SAP30L: variants seen among roughly 807,000 people sequenced by gnomAD.
SAP30L encodes the protein SAP30 like.
In SAP30L, 10 loss-of-function variants were observed where a neutral mutation model predicts 22.3. That is an observed-to-expected ratio of 0.45 (90% CI 0.28 to 0.76). SAP30L has a LOEUF of 0.76. SAP30L is among the 30% of genes least tolerant of loss of function. SAP30L has a pLI of 0.14. For synonymous variants in SAP30L, 91 were observed against 94.1 expected (o/e 0.97, Z 0.19); for missense variants, 206 against 237.9 (o/e 0.87, Z 0.88).
intron 1 of SAP30L, 88 bp from the exon 2 acceptor site, chr5:154,451,003 A>C: frequency 2.2e-6 from 3 of 1,386,036 alleles, no homozygotes; most frequent in Non-Finnish European, 3.1e-6. Flanking sequence ...AATGCCCTGC[A>C]ATGGAAGGAA....
chr5:154,449,912 T>C (rs1233763979), intron 1 of SAP30L, among the ~76,000 whole-genome samples: 4 of 152,352 alleles, frequency 2.6e-5, no homozygotes, highest in East Asian at 1.9e-4. Context: ...AAAGTACTTA[T>C]GACTCACTAA....
Position 154,457,529 on chromosome 5 carries a change from C to T in SAP30L, c.*1501C>T, listed in dbSNP as rs531994723. On this transcript the variant is annotated 3_prime_UTR_variant, in exon 4 of 4. Coordinates refer to ENST00000297109, the MANE Select transcript of SAP30L (RefSeq NM_024632.6). The stretch of plus-strand genomic sequence containing the variant: ...CCATCACAGAGAAGTCAGGACTAAA[C>T]CCCCTACTGAGCAGGGCGGCGGAGT... The T allele has an allele frequency of 6.6e-6, 1 of 152,176 alleles. No individual in the cohort carries two copies. Among genetic ancestry groups the T allele is most frequent in the African/African-American group, 2.4e-5 (1 of 41,436 alleles). 9.4% of individuals were successfully genotyped at this position (152,176 alleles called of 1,614,324 possible).
At chr5:154,454,225 G>A (rs1342550087) in intron 3 of SAP30L, among the ~76,000 whole-genome samples, 1 of 152,062 alleles carries the variant, frequency 6.6e-6, no homozygotes, top group Admixed American at 6.5e-5. Context: ...TCCTACTCTG[G>A]TGTTGGTAAT....
At chr5:154,453,377 A>AACACCAT in intron 2 of SAP30L, 25 bp from the exon 3 acceptor site, 1 of 1,574,612 alleles carries the variant, frequency 6.4e-7, no homozygotes, top group Non-Finnish European at 8.7e-7. Flanking sequence ...GGTGATGGAT[A>AACACCAT]ACATTTTTCT....
In SAP30L at chr5:154,457,701, T is replaced by C. The variant is rs1379589362; in HGVS notation, c.*1673T>C. On this transcript the variant is annotated 3_prime_UTR_variant, in exon 4 of 4. Transcript: ENST00000297109. ...ATGCATGTCTAGCAGATTGCAGCCTTTTAAATTAAATATATATAAATGGTT... is the reference window on the plus strand; with the variant it reads ...ATGCATGTCTAGCAGATTGCAGCCTCTTAAATTAAATATATATAAATGGTT... 3 of 152,162 alleles carry C rather than the reference T, an allele frequency of 2.0e-5. No homozygotes were observed. Among genetic ancestry groups the C allele is most frequent in the African/African-American group, 7.2e-5 (3 of 41,428 alleles). 9.4% of individuals were successfully genotyped at this position (152,162 alleles called of 1,614,324 possible).
rs1561703351 is a variant in SAP30L at position 154,455,881 on chromosome 5, GT to G, written c.424-18del. 2 of 1,598,696 alleles carry G rather than the reference GT, an allele frequency of 1.3e-6. No individual in the cohort carries two copies. Among genetic ancestry groups the G allele is most frequent in the South Asian group, 2.3e-5 (2 of 88,406 alleles). ...TTTGTGCATGGTTTAAGGAACTTTG[GT>G]ATTTTCCCCCCACATAGACTGTGAG... is the stretch of plus-strand genomic sequence containing the variant. On this transcript the variant is annotated intron_variant, in intron 3 of 3. Coordinates refer to ENST00000297109, the MANE Select transcript of SAP30L (RefSeq NM_024632.6).
At chr5:154,449,317 CA>C (rs1392670919) in intron 1 of SAP30L, among the ~76,000 whole-genome samples, 1 of 151,754 alleles carries the variant, frequency 6.6e-6, no homozygotes, top group Non-Finnish European at 1.5e-5. Flanking sequence ...TAGGAAAAGA[CA>C]TGTACTGGGG....
rs1055389394 is a variant in SAP30L at position 154,460,521 on chromosome 5, A to G, written c.*4493A>G. ...GCCTTTTTATTCCTTTCATTGTATT[A>G]TAGACTGTTTCCAAGTTTATGGTTA... On this transcript the variant is annotated 3_prime_UTR_variant, in exon 4 of 4. Transcript: ENST00000297109. 6.6e-6 allele frequency: 1 copy of G among 152,164 alleles called. No individual in the cohort carries two copies. The highest frequency in any genetic ancestry group is 2.4e-5 in the African/African-American group (1 of 41,418). The allele number at this position is 152,164 out of a possible 1,614,324, so 9.4% of individuals were successfully genotyped here. A position where few individuals can be genotyped will look rare whatever the true frequency, so the allele number is the denominator to read the frequency against.
At position 154,446,644 on chromosome 5, in the gene SAP30L, C is replaced by T; in HGVS notation, c.40C>T (p.Pro14Ser). 1.3e-6 allele frequency: 2 copies of T among 1,529,872 alleles called. No homozygotes were observed. The highest frequency in any genetic ancestry group is 1.8e-6 in the Non-Finnish European group (2 of 1,140,452). 94.8% of individuals were successfully genotyped at this position (1,529,872 alleles called of 1,614,324 possible). The change falls in exon 1 of 4, where the codon CCC (proline) becomes TCC (serine). Residue 14 changes from proline (P) to serine (S), a missense_variant. Physicochemically the swap from Pro to Ser is moderately conservative, Grantham distance 74. Transcript: ENST00000297109. The part of the protein sequence containing the change: ...FSTEEDSREG[P>S]PAAPAAAAPG... ...CACGGAGGAGGACAGCCGCGAAGGG[C>T]CCCCCGCCGCCCCAGCTGCCGCCGC...
Position 154,457,045 on chromosome 5 carries a change from C to T in SAP30L, c.*1017C>T, listed in dbSNP as rs978440169. 1 of 152,238 alleles carries T rather than the reference C, an allele frequency of 6.6e-6. No individual in the cohort carries two copies. The highest frequency in any genetic ancestry group is 2.4e-5 in the African/African-American group (1 of 41,448). 9.4% of individuals were successfully genotyped at this position (152,238 alleles called of 1,614,324 possible). ...ATTGAAAGTCTGGCTGGCCTTGACT[C>T]CCTGGGCTCTGGTCATCAGCAAATC... On this transcript the variant is annotated 3_prime_UTR_variant, in exon 4 of 4. Coordinates refer to ENST00000297109, the MANE Select transcript of SAP30L (RefSeq NM_024632.6).
rs1325927026 is a variant in SAP30L, at chr5:154,457,664, C to T, written c.*1636C>T. 1 of 152,158 alleles carries T rather than the reference C, an allele frequency of 6.6e-6. No homozygotes were observed. The highest frequency in any genetic ancestry group is 1.5e-5 in the Non-Finnish European group (1 of 68,042). 9.4% of individuals were successfully genotyped at this position (152,158 alleles called of 1,614,324 possible). Reference sequence around the variant, plus strand: ...ATGTTCCATTGCAGCAAAGCTTTCGCCTGTGTTCAAAATGCATGTCTAGCA... The same window carrying T: ...ATGTTCCATTGCAGCAAAGCTTTCGTCTGTGTTCAAAATGCATGTCTAGCA... On this transcript the variant is annotated 3_prime_UTR_variant, in exon 4 of 4. Coordinates refer to ENST00000297109, the MANE Select transcript of SAP30L (RefSeq NM_024632.6).
intron 2 of SAP30L, among the ~76,000 whole-genome samples, chr5:154,452,743 A>AGTTCTTCCCATT: frequency 6.6e-6 from 1 of 151,828 alleles, no homozygotes; most frequent in South Asian, 2.1e-4. Flanking sequence ...TGAGGATAAC[A>AGTTCTTCCCATT]GCCCTCCTTT....
chr5:154,460,780 G>A lies in SAP30L; in HGVS notation c.*4752G>A, dbSNP rs1443886455. ...TACGCTCATCAGAGTATATTTTGGG[G>A]TACAAGGTTTTGGGGGTTTTTTTTC... On this transcript the variant is annotated 3_prime_UTR_variant, in exon 4 of 4. Coordinates refer to ENST00000297109, the MANE Select transcript of SAP30L (RefSeq NM_024632.6). 6.6e-6 allele frequency: 1 copy of A among 152,174 alleles called. No individual in the cohort carries two copies. The highest frequency in any genetic ancestry group is 1.5e-5 in the Non-Finnish European group (1 of 68,036). 9.4% of individuals were successfully genotyped at this position (152,174 alleles called of 1,614,324 possible). A position where few individuals can be genotyped will look rare whatever the true frequency, so the allele number is the denominator to read the frequency against.
intron 1 of SAP30L, among the ~76,000 whole-genome samples, chr5:154,450,092 G>T (rs1376282032): frequency 6.6e-6 from 1 of 152,212 alleles, no homozygotes; most frequent in Non-Finnish European, 1.5e-5. Flanking sequence ...GAACATTTGT[G>T]CAACAGCTGT....
chr5:154,446,485 T>G lies in SAP30L; in HGVS notation c.-120T>G, dbSNP rs1169142469. On this transcript the variant is annotated 5_prime_UTR_variant, in exon 1 of 4. Coordinates refer to ENST00000297109, the MANE Select transcript of SAP30L (RefSeq NM_024632.6). ...ACGCGGGGCAGGGCAGCGCCCGGGC[T>G]GGAGACGGACTCTGGGACCCTCGGC... 7.2e-6 allele frequency: 6 copies of G among 829,094 alleles called. No individual in the cohort carries two copies. Among genetic ancestry groups the G allele is most frequent in the Non-Finnish European group, 1.0e-5 (6 of 588,572 alleles). 51.4% of individuals were successfully genotyped at this position (829,094 alleles called of 1,614,324 possible).
chr5:154,457,129 C>T lies in SAP30L; in HGVS notation c.*1101C>T, dbSNP rs1211341356. 6.6e-6 allele frequency: 1 copy of T among 152,132 alleles called. No homozygotes were observed. Among genetic ancestry groups the T allele is most frequent in the Non-Finnish European group, 1.5e-5 (1 of 68,024 alleles). The allele number at this position is 152,132 out of a possible 1,614,324, so 9.4% of individuals were successfully genotyped here. A position where few individuals can be genotyped will look rare whatever the true frequency, so the allele number is the denominator to read the frequency against. On this transcript the variant is annotated 3_prime_UTR_variant, in exon 4 of 4. Transcript: ENST00000297109. ...ATGCTCATTTTTGTGAACAATTTGC[C>T]TCCCTCTTAGGGAGAAAGATTGCTA...
At chr5:154,452,093 G>A (rs932409150) in intron 2 of SAP30L, among the ~76,000 whole-genome samples, 3 of 152,116 alleles carry the variant, frequency 2.0e-5, no homozygotes, top group African/African-American at 4.8e-5. Context: ...GAGAAGAACC[G>A]TTTATAGTGT....
In SAP30L at chr5:154,459,720, C is replaced by G. The variant is rs1757334957; in HGVS notation, c.*3692C>G. The stretch of plus-strand genomic sequence containing the variant: ...AGGACTCAGTTCTGTGCTTGCCCCA[C>G]AAAAACGGATGCTCACATCATCAGG... On this transcript the variant is annotated 3_prime_UTR_variant, in exon 4 of 4. Coordinates refer to ENST00000297109, the MANE Select transcript of SAP30L (RefSeq NM_024632.6). 1 of 152,192 alleles carries G rather than the reference C, an allele frequency of 6.6e-6. No individual in the cohort carries two copies. Among genetic ancestry groups the G allele is most frequent in the African/African-American group, 2.4e-5 (1 of 41,434 alleles). 9.4% of individuals were successfully genotyped at this position (152,192 alleles called of 1,614,324 possible).
rs1757273969 is a variant in SAP30L, at chr5:154,456,798, C to G, written c.*770C>G. ...TTCCAGAAACACTGATATAGAGACC[C>G]TCACAGAAGATACGGTCCCTTATGC... On this transcript the variant is annotated 3_prime_UTR_variant, in exon 4 of 4. Coordinates refer to ENST00000297109, the MANE Select transcript of SAP30L (RefSeq NM_024632.6). 1.3e-5 allele frequency: 2 copies of G among 152,216 alleles called. No homozygotes were observed. The highest frequency in any genetic ancestry group is 2.1e-4 in the South Asian group (1 of 4,830). The allele number at this position is 152,216 out of a possible 1,614,324, so 9.4% of individuals were successfully genotyped here. A position where few individuals can be genotyped will look rare whatever the true frequency, so the allele number is the denominator to read the frequency against.
Sources: allele counts gnomAD v4.1 joint callset (sites outside exome capture counted in the v4.1 genomes callset), GRCh38; gene constraint gnomAD v4.1.1; transcripts MANE v1.5; gene names NCBI Gene and HGNC (gene_info 2026-07-23, HGNC 2026-07-21).